Variants in C8A observed in about 807,000 individuals in gnomAD.
The protein encoded by C8A is complement C8 alpha chain.
C8A carries 67 observed loss-of-function variants against 65.3 expected under a neutral mutation model. That is an observed-to-expected ratio of 1.03 (90% CI 0.84 to 1.26). The LOEUF is 1.26. Ranked by LOEUF, C8A falls within the 50% of genes most tolerant of loss-of-function variation. The pLI is 0.00. For synonymous variants in C8A, 290 were observed against 259.4 expected (o/e 1.12, Z -1.13); for missense variants, 781 against 723.9 (o/e 1.08, Z -0.90).
chr1:56,874,901 T>C (rs778204633), intron 2 of C8A, 48 bp from the exon 3 acceptor site: 40 of 1,609,364 alleles, frequency 2.5e-5, no homozygotes, highest in Non-Finnish European at 3.2e-5. Flanking sequence ...TCTTGGTTGA[T>C]TGATTGATTG....
chr1:56,856,692 T>C (rs1324282547), intron 1 of C8A, among the ~76,000 whole-genome samples: 2 of 152,128 alleles, frequency 1.3e-5, no homozygotes, highest in Non-Finnish European at 2.9e-5. Context: ...AACATTTGCT[T>C]ATTATAAAAT....
chr1:56,883,460 A>G, intron 5 of C8A, 21 bp from the exon 6 acceptor site: 2 of 1,597,010 alleles, frequency 1.3e-6, no homozygotes, highest in East Asian at 2.2e-5. Flanking sequence ...CAAAGCTAAT[A>G]TCTATCCTTT....
rs180774230 is a variant in C8A at position 56,889,484 on chromosome 1, C to T, written c.1096+3317C>T. On this transcript the variant is annotated intron_variant, in intron 7 of 10. Transcript: ENST00000361249. The stretch of plus-strand genomic sequence containing the variant: ...GCTTTCTCTCTGTCTTATTCTCTTC[C>T]CCTCGGTCTCATTCCGTTTCTTTCT... Among the ~76,000 whole-genome samples the T allele has an allele frequency of 3.5e-3, 528 of 152,176 alleles. 3 individuals are homozygous for T. The highest frequency in any genetic ancestry group is 6.5e-3 in the Admixed American group (99 of 15,264).
In C8A at chr1:56,881,697, A is replaced by G. The variant is rs1014123214; in HGVS notation, c.654+63A>G. 2.8e-6 allele frequency: 4 copies of G among 1,440,702 alleles called. No individual in the cohort carries two copies. The South Asian group carries it at 4.6e-5, about 16-fold the overall frequency. 89.2% of individuals were successfully genotyped at this position (1,440,702 alleles called of 1,614,324 possible). On this transcript the variant is annotated intron_variant, in intron 5 of 10. Transcript: ENST00000361249. ...GTAGGTGGCAGAGAGGCAGAGGCCT[A>G]TTTGTGGAGATGACTTGCTCTGGAA...
intron 7 of C8A, among the ~76,000 whole-genome samples, chr1:56,896,643 C>A (rs1644389327): frequency 6.6e-6 from 1 of 152,112 alleles, no homozygotes. Context: ...CAGAAACACC[C>A]AGAATAATGT....
intron 2 of C8A, among the ~76,000 whole-genome samples, chr1:56,874,356 T>C (rs1335785447): frequency 1.3e-5 from 2 of 152,170 alleles, no homozygotes; most frequent in Non-Finnish European, 2.9e-5. Flanking sequence ...ATAGGAGATA[T>C]ATCTCCAAAG....
chr1:56,874,358 T>G (rs1224026903), intron 2 of C8A, among the ~76,000 whole-genome samples: 1 of 152,052 alleles, frequency 6.6e-6, no homozygotes, highest in Non-Finnish European at 1.5e-5. Flanking sequence ...AGGAGATATA[T>G]CTCCAAAGAA....
rs117932102 is a variant in C8A at position 56,856,187 on chromosome 1, G to A, written c.77+1209G>A. ...AGGTCTTTGTATCTAATGCCAGTGTGTCTGACACTGACTTTGAAAGTGAAA... is the reference window on the plus strand; with the variant it reads ...AGGTCTTTGTATCTAATGCCAGTGTATCTGACACTGACTTTGAAAGTGAAA... On this transcript the variant is annotated intron_variant, in intron 1 of 10. Coordinates refer to ENST00000361249, the MANE Select transcript of C8A (RefSeq NM_000562.3). Among the ~76,000 whole-genome samples, 100 of 152,212 alleles carry A rather than the reference G, an allele frequency of 6.6e-4. No homozygotes were observed. The East Asian group carries it at 0.019, about 29-fold the overall frequency.
chr1:56,885,389 T>C (rs1235062315), intron 6 of C8A, among the ~76,000 whole-genome samples: 2 of 128,214 alleles, frequency 1.6e-5, no homozygotes, highest in East Asian at 4.9e-4. Flanking sequence ...TTTAAATATA[T>C]ATTTAAATAA....
At chr1:56,899,606 A>T (rs1644411752) in intron 7 of C8A, among the ~76,000 whole-genome samples, 1 of 152,162 alleles carries the variant, frequency 6.6e-6, no homozygotes, top group Non-Finnish European at 1.5e-5. Flanking sequence ...CTCCTGGGCT[A>T]ACCACTTATA....
chr1:56,903,393 A>G (rs1331641544), intron 7 of C8A, among the ~76,000 whole-genome samples: 2 of 152,066 alleles, frequency 1.3e-5, no homozygotes, highest in Non-Finnish European at 2.9e-5. Context: ...CCCTTCTTCC[A>G]TGATTGTGAG....
intron 4 of C8A, among the ~76,000 whole-genome samples, chr1:56,878,174 AG>A (rs375329087): frequency 1.0e-3 from 159 of 152,162 alleles, no homozygotes; most frequent in African/African-American, 3.7e-3. Context: ...CCTTCCTGTA[AG>A]AACACCACTC....
At chr1:56,903,052 C>T (rs145812606) in intron 7 of C8A, among the ~76,000 whole-genome samples, 1 of 152,078 alleles carries the variant, frequency 6.6e-6, no homozygotes, top group African/African-American at 2.4e-5. Flanking sequence ...TCCCGCTAAG[C>T]TGTCTATTTC....
chr1:56,888,558 A>G (rs1284229844), intron 7 of C8A, among the ~76,000 whole-genome samples: 1 of 152,232 alleles, frequency 6.6e-6, no homozygotes. Flanking sequence ...ATAGTGGATT[A>G]TAGGCACTAA....
chr1:56,910,392 C>T (rs1343055024), intron 9 of C8A, among the ~76,000 whole-genome samples: 2 of 152,184 alleles, frequency 1.3e-5, no homozygotes, highest in Non-Finnish European at 2.9e-5. Context: ...TCTAACGTCC[C>T]AAGATCCCTC....
At chr1:56,870,752 T>C (rs928555730) in intron 2 of C8A, among the ~76,000 whole-genome samples, 1 of 150,632 alleles carries the variant, frequency 6.6e-6, no homozygotes, top group South Asian at 2.1e-4. Flanking sequence ...CAGAATAGAA[T>C]TATTTCCTTA....
chr1:56,869,633 A>G (rs544226292), intron 2 of C8A, among the ~76,000 whole-genome samples: 7 of 152,188 alleles, frequency 4.6e-5, no homozygotes, highest in Admixed American at 2.0e-4. Context: ...TGCCACCAGT[A>G]GTGTAAAACT....
intron 7 of C8A, among the ~76,000 whole-genome samples, chr1:56,898,768 C>T (rs1267417207): frequency 1.3e-5 from 2 of 152,100 alleles, no homozygotes; most frequent in African/African-American, 4.8e-5. Context: ...AGCAGAGACT[C>T]AGCGTCTTTC....
intron 2 of C8A, among the ~76,000 whole-genome samples, chr1:56,872,377 C>T (rs1334517100): frequency 6.6e-6 from 1 of 151,936 alleles, no homozygotes; most frequent in Non-Finnish European, 1.5e-5. Flanking sequence ...TCAGTGCTGG[C>T]CATGTTAAAA....
Sources: allele counts gnomAD v4.1 joint callset (sites outside exome capture counted in the v4.1 genomes callset), GRCh38; gene constraint gnomAD v4.1.1; transcripts MANE v1.5; gene names NCBI Gene and HGNC (gene_info 2026-07-23, HGNC 2026-07-21).